Variants in SPRR2G observed in about 807,000 individuals in gnomAD.
SPRR2G encodes the protein small proline rich protein 2G, also known as small proline-rich protein 2G.
SPRR2G carries 1 observed loss-of-function variant against 0.7 expected under a neutral mutation model. The ratio of observed to expected loss-of-function variants is 1.49; its 90% CI spans 0.53 to 7.06. The LOEUF is 7.06. Among genes scored for constraint, SPRR2G ranks in the 30% most tolerant of loss-of-function variants. The pLI is 0.14. For missense variants in SPRR2G, 96 were observed against 88.5 expected (o/e 1.09, Z -0.34); for synonymous variants, 38 against 33.9 (o/e 1.12, Z -0.42).
At chr1:153,199,622 C>G in the SPRR2G span, among the ~76,000 whole-genome samples, 110 of 152,314 alleles carry the variant, frequency 7.2e-4, no homozygotes, top group African/African-American at 2.6e-3. Flanking sequence ...AGATACTCTT[C>G]TTTCCTGTGC....
At chr1:153,162,304 T>C in the SPRR2G span, among the ~76,000 whole-genome samples, 3 of 152,212 alleles carry the variant, frequency 2.0e-5, no homozygotes, top group Non-Finnish European at 4.4e-5. Context: ...TAATGGCCCA[T>C]AGCTCCATCC....
chr1:153,171,230 T>TCCTC, the SPRR2G span, among the ~76,000 whole-genome samples: 1 of 152,104 alleles, frequency 6.6e-6, no homozygotes, highest in Non-Finnish European at 1.5e-5. Context: ...CACCCTTCCT[T>TCCTC]CCTCCACCCT....
chr1:153,186,052 A>G, the SPRR2G span, among the ~76,000 whole-genome samples: 1 of 152,050 alleles, frequency 6.6e-6, no homozygotes, highest in Admixed American at 6.5e-5. Context: ...CCTGACTTTT[A>G]ATTTGATTGC....
At chr1:153,164,044 A>G in the SPRR2G span, among the ~76,000 whole-genome samples, 3 of 152,190 alleles carry the variant, frequency 2.0e-5, no homozygotes, top group Non-Finnish European at 2.9e-5. Context: ...ATACAATTAG[A>G]AAGAGAACTT....
chr1:153,178,090 G>A, the SPRR2G span, among the ~76,000 whole-genome samples: 1 of 152,108 alleles, frequency 6.6e-6, no homozygotes. Flanking sequence ...TATCTTTTAT[G>A]CTGTCATAAA....
At chr1:153,176,562 T>G in the SPRR2G span, 2 of 152,174 alleles carry the variant, frequency 1.3e-5, no homozygotes, top group African/African-American at 4.8e-5. Flanking sequence ...AAAATTCCAC[T>G]TTGGCAGCTG....
chr1:153,171,404 G>A, the SPRR2G span, among the ~76,000 whole-genome samples: 20 of 152,124 alleles, frequency 1.3e-4, no homozygotes, highest in Non-Finnish European at 2.4e-4. Context: ...ACACCCACTC[G>A]CCTCCCCAGG....
chr1:153,182,151 T>C, the SPRR2G span, among the ~76,000 whole-genome samples: 1,058 of 152,286 alleles, frequency 6.9e-3, 3 homozygotes, highest in Non-Finnish European at 0.012. Context: ...TTAGTTTGCA[T>C]TGCCCTGAGG....
chr1:153,175,350 C>T, the SPRR2G span, among the ~76,000 whole-genome samples: 19 of 152,274 alleles, frequency 1.2e-4, no homozygotes, highest in African/African-American at 4.1e-4. Flanking sequence ...AATAGTTGAA[C>T]GCCTTAACAT....
chr1:153,194,420 C>G, the SPRR2G span, among the ~76,000 whole-genome samples: 1 of 152,220 alleles, frequency 6.6e-6, no homozygotes, highest in Non-Finnish European at 1.5e-5. Flanking sequence ...CTGGGCCAGA[C>G]AGTTGATAAA....
chr1:153,177,509 C>T, the SPRR2G span, among the ~76,000 whole-genome samples: 1 of 152,092 alleles, frequency 6.6e-6, no homozygotes, highest in African/African-American at 2.4e-5. Context: ...GCCACACTTG[C>T]TTTGTCATTA....
the SPRR2G span, among the ~76,000 whole-genome samples, chr1:153,168,035 G>A: frequency 5.9e-5 from 9 of 152,160 alleles, no homozygotes; most frequent in African/African-American, 2.2e-4. Flanking sequence ...TCACCTTCTT[G>A]GTGCTCTGAG....
At chr1:153,165,208 G>A in the SPRR2G span, among the ~76,000 whole-genome samples, 2 of 152,076 alleles carry the variant, frequency 1.3e-5, no homozygotes, top group Admixed American at 6.5e-5. Context: ...ATGGACGGAC[G>A]GATGGATGGA....
the SPRR2G span, among the ~76,000 whole-genome samples, chr1:153,197,792 A>C: frequency 6.6e-6 from 1 of 152,218 alleles, no homozygotes; most frequent in Non-Finnish European, 1.5e-5. Context: ...AAGATAAAAA[A>C]TAAATATCAA....
chr1:153,170,930 G>A, the SPRR2G span, among the ~76,000 whole-genome samples: 1 of 152,114 alleles, frequency 6.6e-6, no homozygotes, highest in Non-Finnish European at 1.5e-5. Context: ...GAAGAACAGG[G>A]TATCATGGGC....
chr1:153,152,256 C>A (rs143909596), upstream of SPRR2G, among the ~76,000 whole-genome samples: 3 of 152,272 alleles, frequency 2.0e-5, no homozygotes, highest in East Asian at 5.8e-4. Context: ...AGAGTGAGGC[C>A]TATCTAGTGA....
At chr1:153,198,519 C>T in the SPRR2G span, among the ~76,000 whole-genome samples, 1 of 152,124 alleles carries the variant, frequency 6.6e-6, no homozygotes. Flanking sequence ...CTCCCAAACA[C>T]ACCCTGGCTT....
the SPRR2G span, among the ~76,000 whole-genome samples, chr1:153,193,650 G>A: frequency 0.029 from 4,414 of 152,160 alleles, 196 homozygotes; most frequent in African/African-American, 0.098. Flanking sequence ...GCATATGAAA[G>A]ATGCTAAACA....
At chr1:153,179,897 T>C in the SPRR2G span, among the ~76,000 whole-genome samples, 1 of 152,158 alleles carries the variant, frequency 6.6e-6, no homozygotes, top group African/African-American at 2.4e-5. Context: ...GAGAAGATTA[T>C]GTCCTCCCTA....
Sources: allele counts gnomAD v4.1 joint callset (sites outside exome capture counted in the v4.1 genomes callset), GRCh38; gene constraint gnomAD v4.1.1; transcripts MANE v1.5; gene names NCBI Gene and HGNC (gene_info 2026-07-23, HGNC 2026-07-21).